Variants in CUX1 observed in about 807,000 individuals in gnomAD.
CUX1 encodes protein CASP.
A neutral mutation model predicts 158.8 loss-of-function variants in CUX1; 31 were observed. The ratio of observed to expected loss-of-function variants is 0.20; its 90% CI spans 0.15 to 0.26. The LOEUF is 0.26. Among genes scored for constraint, CUX1 ranks in the 10% least tolerant of loss-of-function variants. CUX1 has a pLI of 1.00. For synonymous variants in CUX1, 879 were observed against 862.1 expected (o/e 1.02, Z -0.34); for missense variants, 1,589 against 2,014.6 (o/e 0.79, Z 4.04).
At chr7:102,039,232 C>G (rs183170298) in intron 3 of CUX1, among the ~76,000 whole-genome samples, 2 of 152,084 alleles carry the variant, frequency 1.3e-5, no homozygotes, top group Non-Finnish European at 2.9e-5. Context: ...GGACTAAACC[C>G]GAGAGAGGAT....
intron 20 of CUX1, 82 bp from the exon 21 acceptor site, chr7:102,227,285 T>C (rs916602124): frequency 2.4e-6 from 3 of 1,225,436 alleles, no homozygotes; most frequent in African/African-American, 3.0e-5. Flanking sequence ...GTTTAATTAG[T>C]ATTTCCTAGA....
At chr7:101,834,404 C>T (rs956663713) in intron 1 of CUX1, among the ~76,000 whole-genome samples, 7 of 151,844 alleles carry the variant, frequency 4.6e-5, no homozygotes, top group African/African-American at 1.7e-4. Context: ...GAACTCCTGA[C>T]CTCAGGTGAT....
Position 102,248,523 on chromosome 7 carries a change from G to A in CUX1, c.3999G>A (p.Ser1333=), listed in dbSNP as rs1554537839. 6.5e-6 allele frequency: 10 copies of A among 1,533,366 alleles called. No homozygotes were observed. The highest frequency in any genetic ancestry group is 2.0e-5 in the Admixed American group (1 of 49,450). The allele number at this position is 1,533,366 out of a possible 1,614,324, so 95.0% of individuals were successfully genotyped here. The change falls in exon 24 of 24, where the codon TCG becomes TCA. Residue 1333 remains serine, a synonymous_variant. Transcript: ENST00000292535. This position sits in a 1 kb window ranked among gnomAD's most constrained non-coding sequence, Gnocchi z 5.8. ...SARSGRAAPS[S]EGDSCDGVEA... ...GCAGCGGCCGGGCGGCGCCCAGCTCGGAGGGCGACAGCTGCGACGGCGTGG... is the reference window on the plus strand; with the variant it reads ...GCAGCGGCCGGGCGGCGCCCAGCTCAGAGGGCGACAGCTGCGACGGCGTGG...
intron 2 of CUX1, among the ~76,000 whole-genome samples, chr7:101,918,673 G>T (rs1161845233): frequency 6.6e-6 from 1 of 152,204 alleles, no homozygotes; most frequent in Non-Finnish European, 1.5e-5. Context: ...CTCATCCAAG[G>T]ACCAACCTGG....
In CUX1 at chr7:102,073,755, ATATTATGATTC is replaced by A. The variant is rs1177868426; in HGVS notation, c.268+3340_268+3350del. On this transcript the variant is annotated intron_variant, in intron 4 of 23. Transcript: ENST00000292535. ...ATTCATATTCTGCCTTTCTCACTTA[ATATTATGATTC>A]TTATTATTACCATAAGCATTTTCCT... Among the ~76,000 whole-genome samples, 8 of 152,214 alleles carry A rather than the reference ATATTATGATTC, an allele frequency of 5.3e-5. No individual in the cohort carries two copies. The East Asian group carries it at 1.4e-3, about 26-fold the overall frequency.
At chr7:101,938,000 G>A (rs746468843) in intron 2 of CUX1, among the ~76,000 whole-genome samples, 5 of 152,180 alleles carry the variant, frequency 3.3e-5, no homozygotes, top group Non-Finnish European at 7.3e-5. Flanking sequence ...GAAAAGCCAG[G>A]AGAAGGGTGA....
chr7:102,008,636 A>G (rs1817653621), intron 2 of CUX1, among the ~76,000 whole-genome samples: 2 of 152,098 alleles, frequency 1.3e-5, no homozygotes, highest in Admixed American at 6.5e-5. Flanking sequence ...TAAGAACCCC[A>G]GGTCCCCAGC....
intron 2 of CUX1, among the ~76,000 whole-genome samples, chr7:101,950,727 T>G (rs1808966817): frequency 6.6e-6 from 1 of 152,210 alleles, no homozygotes; most frequent in Non-Finnish European, 1.5e-5. Flanking sequence ...TTCTTTTCTT[T>G]TTTTATAGAG....
At chr7:102,277,511 G>A (rs1025412370) in intron 17 of CUX1, among the ~76,000 whole-genome samples, 4 of 151,868 alleles carry the variant, frequency 2.6e-5, no homozygotes, top group East Asian at 3.9e-4. Context: ...CAGGAGAATC[G>A]CTTGAACCCG....
chr7:102,194,981 G>A (rs1554517859), intron 13 of CUX1, among the ~76,000 whole-genome samples: 1 of 150,578 alleles, frequency 6.6e-6, no homozygotes, highest in Non-Finnish European at 1.5e-5. Flanking sequence ...CCAAGATCAT[G>A]CCACTGCACT....
chr7:102,120,802 G>A (rs1831949844), intron 8 of CUX1, among the ~76,000 whole-genome samples: 1 of 152,032 alleles, frequency 6.6e-6, no homozygotes, highest in Non-Finnish European at 1.5e-5. Flanking sequence ...GGTGGCTCAC[G>A]CCTATCATCC....
intron 8 of CUX1, among the ~76,000 whole-genome samples, chr7:102,123,386 A>G (rs1366399435): frequency 6.6e-6 from 1 of 151,836 alleles, no homozygotes; most frequent in Non-Finnish European, 1.5e-5. Flanking sequence ...GAGGCGGGCG[A>G]ATCATGAGGT....
At chr7:102,144,529 C>G (rs1834821873) in intron 8 of CUX1, among the ~76,000 whole-genome samples, 1 of 151,872 alleles carries the variant, frequency 6.6e-6, no homozygotes, top group Admixed American at 6.6e-5. Flanking sequence ...TTAGCACATT[C>G]AAAAATAATT....
At chr7:101,858,428 TCC>T (rs1797110443) in intron 1 of CUX1, among the ~76,000 whole-genome samples, 1 of 152,136 alleles carries the variant, frequency 6.6e-6, no homozygotes, top group South Asian at 2.1e-4. Context: ...TCTTGGTCCC[TCC>T]CGCCTTCCCT....
rs554598700 is a variant in CUX1, at chr7:102,213,299, A to G, written c.3130+8129A>G. Among the ~76,000 whole-genome samples, 119 of 152,244 alleles carry G rather than the reference A, an allele frequency of 7.8e-4. 1 individual carries two copies. Among genetic ancestry groups the G allele is most frequent in the Non-Finnish European group, 1.5e-3 (105 of 68,042 alleles). On this transcript the variant is annotated intron_variant, in intron 20 of 23. Transcript: ENST00000292535. ...AAAGTCTCGACTTCTACAAAATGCT[A>G]TTCCATCCTTGGAAGTTGCCTGTTC...
chr7:101,893,754 A>G (rs765379658), intron 1 of CUX1, among the ~76,000 whole-genome samples: 1 of 152,240 alleles, frequency 6.6e-6, no homozygotes, highest in Non-Finnish European at 1.5e-5. Context: ...TGTCAGCACT[A>G]TGTAAATGAG....
chr7:101,824,641 T>A (rs1167104113), intron 1 of CUX1: 1 of 152,100 alleles, frequency 6.6e-6, no homozygotes, highest in African/African-American at 2.4e-5. Flanking sequence ...AGCCTCCGGG[T>A]GTTACCTGGA....
Position 102,248,394 on chromosome 7 carries a change from C to A in CUX1, c.3888-18C>A, listed in dbSNP as rs1801053862. The stretch of plus-strand genomic sequence containing the variant: ...CAGCAGCACCCCCCTCACGTCCCCG[C>A]CGCTTGTTGTCTTGTAGGTCTCGGA... On this transcript the variant is annotated intron_variant, in intron 23 of 23. Coordinates refer to ENST00000292535, the MANE Select transcript of CUX1 (RefSeq NM_181552.4). This position sits in a 1 kb window ranked among gnomAD's most constrained non-coding sequence, Gnocchi z 5.8. 4 of 1,576,366 alleles carry A rather than the reference C, an allele frequency of 2.5e-6. No homozygotes were observed. The highest frequency in any genetic ancestry group is 8.6e-7 in the Non-Finnish European group (1 of 1,167,650).
At chr7:102,210,289 G>T (rs1343446206) in intron 20 of CUX1, among the ~76,000 whole-genome samples, 1 of 152,108 alleles carries the variant, frequency 6.6e-6, no homozygotes, top group Non-Finnish European at 1.5e-5. Flanking sequence ...TAGAGATGGG[G>T]TTTCACCATG....
Sources: gnomAD v4.1 joint callset for allele counts (sites outside exome capture counted in the v4.1 genomes callset) on GRCh38, gnomAD v4.1.1 for gene constraint, Gnocchi (gnomAD v3.1) non-coding constraint, MANE v1.5 for transcripts, NCBI Gene and HGNC (gene_info 2026-07-23, HGNC 2026-07-21) for gene names.